The following TULP3 variants were observed in gnomAD, a reference collection of about 807,000 sequenced individuals.
TULP3 encodes the protein TUB like protein 3.
A neutral mutation model predicts 50.7 loss-of-function variants in TULP3; 38 were observed. That is an observed-to-expected ratio of 0.75 (90% CI 0.58 to 0.98). The LOEUF is 0.98. Ranked by LOEUF, TULP3 falls within the 50% of genes least tolerant of loss-of-function variation. The pLI is 0.00. For missense variants in TULP3, 550 were observed against 568.0 expected, an observed-to-expected ratio of 0.97 and a Z score of 0.32; for synonymous variants, 183 against 196.6, an observed-to-expected ratio of 0.93 and a Z score of 0.58.
At chr12:2,905,103 A>T (rs2098181418) in intron 1 of TULP3, among the ~76,000 whole-genome samples, 1 of 149,046 alleles carries the variant, frequency 6.7e-6, no homozygotes, top group African/African-American at 2.5e-5. Flanking sequence ...AAGAATATTA[A>T]ATCAGAAAAA....
intron 9 of TULP3, 61 bp downstream of exon 9, chr12:2,937,790 AG>A: frequency 8.5e-7 from 1 of 1,171,152 alleles, no homozygotes; most frequent in Non-Finnish European, 1.2e-6. Context: ...CAATACACAG[AG>A]ATTAATACAA....
intron 1 of TULP3, 90 bp downstream of exon 1, chr12:2,891,078 G>C: frequency 7.2e-7 from 1 of 1,398,470 alleles, no homozygotes; most frequent in Non-Finnish European, 9.4e-7. Flanking sequence ...CCTGCGGGGA[G>C]AGGGCGGGAC....
At chr12:2,932,502 C>A (rs976367751) in intron 6 of TULP3, among the ~76,000 whole-genome samples, 1 of 151,066 alleles carries the variant, frequency 6.6e-6, no homozygotes, top group African/African-American at 2.4e-5. Context: ...ATCACTTGAA[C>A]CTGGGAGGCA....
chr12:2,890,900 A>G lies in TULP3; in HGVS notation c.-48A>G. 2 of 1,536,044 alleles carry G rather than the reference A, an allele frequency of 1.3e-6. No homozygotes were observed. Among genetic ancestry groups the G allele is most frequent in the Non-Finnish European group, 8.8e-7 (1 of 1,140,268 alleles). On this transcript the variant is annotated 5_prime_UTR_variant, in exon 1 of 11. Transcript: ENST00000448120. ...GCGTGCCAGCCTAGCCACTCTAGCG[A>G]CGGCGGGGAAGAGTGTGTACGTGGT...
At chr12:2,907,238 T>G (rs2098182824) in intron 1 of TULP3, among the ~76,000 whole-genome samples, 2 of 152,024 alleles carry the variant, frequency 1.3e-5, no homozygotes, top group Admixed American at 6.6e-5. Flanking sequence ...TTGGGGAGAC[T>G]GAGGTGGGCA....
chr12:2,915,545 G>GTTT (rs11453949), intron 2 of TULP3, among the ~76,000 whole-genome samples: 3 of 144,872 alleles, frequency 2.1e-5, no homozygotes, highest in South Asian at 2.1e-4. Context: ...TTTTTATTTT[G>GTTT]TTTTTTTTTT....
intron 8 of TULP3, among the ~76,000 whole-genome samples, chr12:2,935,180 A>G (rs142640582): frequency 3.0e-4 from 45 of 152,200 alleles, no homozygotes; most frequent in African/African-American, 8.4e-4. Flanking sequence ...AGACTTCTCT[A>G]TTGGCATGCC....
chr12:2,931,155 G>A lies in TULP3; in HGVS notation c.611G>A (p.Cys204Tyr). The change falls in exon 6 of 11, where the codon TGT becomes TAT. Residue 204 changes from cysteine to tyrosine, a missense_variant. Physicochemically the swap from Cys to Tyr is radical, Grantham distance 194 (BLOSUM62 -2). Transcript: ENST00000448120. ...GCCCCTCAAGGTGTCACAGTAAGATGTCGGATAATCCGGGATAAAAGGGGA... is the reference window on the plus strand; with the variant it reads ...GCCCCTCAAGGTGTCACAGTAAGATATCGGATAATCCGGGATAAAAGGGGA... Reference protein sequence around the residue: ...SPAPQGVTVRCRIIRDKRGMD... With the variant: ...SPAPQGVTVRYRIIRDKRGMD... The A allele has an allele frequency of 1.2e-6, 2 of 1,614,190 alleles. No homozygotes were observed. Among genetic ancestry groups the A allele is most frequent in the South Asian group, 1.1e-5 (1 of 91,090 alleles).
chr12:2,910,766 T>A (rs185947493), intron 2 of TULP3, among the ~76,000 whole-genome samples: 3 of 152,284 alleles, frequency 2.0e-5, no homozygotes, highest in Non-Finnish European at 2.9e-5. Context: ...AGAAACAAAC[T>A]AATTTACTGT....
intron 8 of TULP3, among the ~76,000 whole-genome samples, chr12:2,936,926 T>G (rs1391648763): frequency 1.3e-5 from 2 of 150,144 alleles, no homozygotes; most frequent in Admixed American, 6.7e-5. Flanking sequence ...GCCAACTTGG[T>G]GAAACCCCGT....
intron 4 of TULP3, 71 bp downstream of exon 4, chr12:2,922,473 T>C (rs1030944192): frequency 9.6e-6 from 15 of 1,555,936 alleles, no homozygotes; most frequent in Middle Eastern, 1.7e-4. Flanking sequence ...TTCTTTTCAT[T>C]GTGGGTAACA....
intron 2 of TULP3, among the ~76,000 whole-genome samples, 163 bp downstream of exon 2, chr12:2,909,743 A>G (rs1013456513): frequency 1.3e-5 from 2 of 152,166 alleles, no homozygotes; most frequent in Non-Finnish European, 2.9e-5. Context: ...TGGTTGCTGA[A>G]CCAAGGCTCT....
intron 1 of TULP3, among the ~76,000 whole-genome samples, chr12:2,891,871 T>G (rs1353369596): frequency 6.6e-6 from 1 of 151,944 alleles, no homozygotes; most frequent in Non-Finnish European, 1.5e-5. Flanking sequence ...CTGGACAAGA[T>G]AGCGAGACCC....
At chr12:2,909,859 G>GAT (rs1013742414) in intron 2 of TULP3, among the ~76,000 whole-genome samples, 2 of 152,082 alleles carry the variant, frequency 1.3e-5, no homozygotes, top group African/African-American at 4.8e-5. Flanking sequence ...GGAATTAGAA[G>GAT]AGTGTTAACA....
chr12:2,921,054 A>C lies in TULP3; in HGVS notation c.253+132A>C, dbSNP rs999861969. The C allele has an allele frequency of 5.5e-6, 6 of 1,088,092 alleles. No homozygotes were observed. The African/African-American group carries it at 7.9e-5, about 14-fold the overall frequency. The allele number at this position is 1,088,092 out of a possible 1,614,324, so 67.4% of individuals were successfully genotyped here. The stretch of plus-strand genomic sequence containing the variant: ...ACTAGGTACCTTCATAAATCTTTAT[A>C]ATCACATTTGGGGTCTTTGAGGAGA... On this transcript the variant is annotated intron_variant, in intron 3 of 10. Transcript: ENST00000448120.
chr12:2,912,114 A>G lies in TULP3; in HGVS notation c.93+2534A>G, dbSNP rs143305246. ...GTATAACAGCAACAAAGGCAGCACC[A>G]CATAATGAAGAAAACATTGGGCTGG... On this transcript the variant is annotated intron_variant, in intron 2 of 10. Transcript: ENST00000448120. Among the ~76,000 whole-genome samples, 364 of 152,334 alleles carry G rather than the reference A, an allele frequency of 2.4e-3. 4 individuals carry two copies. The highest frequency in any genetic ancestry group is 8.5e-3 in the African/African-American group (354 of 41,570).
chr12:2,918,889 ATT>A (rs879656147), intron 2 of TULP3, among the ~76,000 whole-genome samples: 1 of 142,028 alleles, frequency 7.0e-6, no homozygotes. Context: ...TGCTAGAAGA[ATT>A]TTTTTTTTTT....
intron 6 of TULP3, among the ~76,000 whole-genome samples, chr12:2,931,475 G>A (rs1404122128): frequency 6.6e-6 from 1 of 152,212 alleles, no homozygotes; most frequent in Non-Finnish European, 1.5e-5. Flanking sequence ...GTGGGAAAAT[G>A]GACGGGTAGT....
chr12:2,924,445 AGGT>A lies in TULP3; in HGVS notation c.394+2046_394+2048del, dbSNP rs763152069. 1.7e-3 allele frequency among the ~76,000 whole-genome samples: 252 copies of A among 152,248 alleles called. 1 individual carries two copies. Among genetic ancestry groups the A allele is most frequent in the Non-Finnish European group, 3.3e-3 (223 of 68,024 alleles). On this transcript the variant is annotated intron_variant, in intron 4 of 10. Transcript: ENST00000448120. ...GTAATCCCAGCACTTTAAGAGGCTG[AGGT>A]GGGAGTATTGCTTGAAGTTAGGTGT... is the stretch of plus-strand genomic sequence containing the variant.
Sources: allele counts gnomAD v4.1 joint callset (sites outside exome capture counted in the v4.1 genomes callset), GRCh38; gene constraint gnomAD v4.1.1; transcripts MANE v1.5; gene names NCBI Gene and HGNC (gene_info 2026-07-23, HGNC 2026-07-21).